FAM234B: variants seen among roughly 807,000 people sequenced by gnomAD.
FAM234B encodes the protein family with sequence similarity 234 member B.
FAM234B carries 33 observed loss-of-function variants against 69.3 expected under a neutral mutation model. The observed-to-expected ratio is 0.48, with a 90% CI of 0.36 to 0.64. The LOEUF (loss-of-function observed/expected upper bound fraction) is 0.64, where lower values mean the gene tolerates loss of function less well. Among genes scored for constraint, FAM234B ranks in the 30% least tolerant of loss-of-function variants. The probability of loss-of-function intolerance (pLI) is 0.00; values close to 1 mark genes in which losing one functional copy is unlikely to be tolerated. For synonymous variants in FAM234B, 306 were observed against 306.9 expected (o/e 1.00, Z 0.03); for missense variants, 697 against 769.7 (o/e 0.91, Z 1.12).
At position 13,071,383 on chromosome 12, in the gene FAM234B, C is replaced by T; in HGVS notation, c.1511C>T (p.Ala504Val). The change falls in exon 10 of 13, where the codon GCA (alanine) becomes GTA (valine). Residue 504 changes from alanine to valine, a missense_variant. Coordinates refer to ENST00000197268, the MANE Select transcript of FAM234B (RefSeq NM_020853.2). ...FLFWAEGLSA[A>V]SPNSDIILGT... is the part of the protein sequence containing the mutation. ...TTCTGGGCCGAAGGGCTGTCAGCTGCATCTCCCAATTCCGTGAGTGAGCCT... is the reference window on the plus strand; with the variant it reads ...TTCTGGGCCGAAGGGCTGTCAGCTGTATCTCCCAATTCCGTGAGTGAGCCT... 6.2e-7 allele frequency: 1 copy of T among 1,614,098 alleles called. No individual in the cohort carries two copies. The highest frequency in any genetic ancestry group is 1.7e-5 in the Admixed American group (1 of 60,018).
chr12:13,051,036 A>G (rs746873281), intron 1 of FAM234B, among the ~76,000 whole-genome samples: 1 of 152,074 alleles, frequency 6.6e-6, no homozygotes, highest in East Asian at 1.9e-4. Flanking sequence ...GCTGTTTCCT[A>G]TTTTGTGTTC....
Position 13,068,411 on chromosome 12 carries a change from C to G in FAM234B, c.1250C>G (p.Thr417Arg), listed in dbSNP as rs780052861. 23 of 1,614,192 alleles carry G rather than the reference C, an allele frequency of 1.4e-5. No individual in the cohort carries two copies. Among genetic ancestry groups the G allele is most frequent in the Non-Finnish European group, 1.8e-5 (21 of 1,180,032 alleles). The change falls in exon 8 of 13, where the codon ACA becomes AGA. Residue 417 changes from threonine (T) to arginine (R), a missense_variant. This residue lies in a region of FAM234B where 313 missense variants were observed against 305.5 expected (regional missense o/e 1.02). Coordinates refer to ENST00000197268, the MANE Select transcript of FAM234B (RefSeq NM_020853.2). ...SLVLLRGQNL[T>R]PYWALRLQGL... is the part of the protein sequence containing the mutation. ...GTGCTGCTTCGGGGGCAAAATCTGA[C>G]ACCTTACTGGGCATTGAGACTTCAA... is the stretch of plus-strand genomic sequence containing the variant.
Position 13,068,701 on chromosome 12 carries a change from G to C in FAM234B, c.1358G>C (p.Gly453Ala). 6.2e-7 allele frequency: 1 copy of C among 1,606,624 alleles called. No individual in the cohort carries two copies. Among genetic ancestry groups the C allele is most frequent in the South Asian group, 1.1e-5 (1 of 90,744 alleles). Residue 453 changes from glycine to alanine, a missense_variant, in exon 9 of 13, where the codon GGG becomes GCG. Gly to Ala is a moderately conservative substitution (Grantham distance 60). This residue lies in a region of FAM234B where 313 missense variants were observed against 305.5 expected (regional missense o/e 1.02). Coordinates refer to ENST00000197268, the MANE Select transcript of FAM234B (RefSeq NM_020853.2). ...CTTCTGCAGATACAGGATGGAGTTGGGATGAAAAAGGTAAAACTTTGGGCC... is the reference window on the plus strand; with the variant it reads ...CTTCTGCAGATACAGGATGGAGTTGCGATGAAAAAGGTAAAACTTTGGGCC... ...DFLLQIQDGV[G>A]MKKMMVVDGD...
At chr12:13,060,771 C>T (rs1864975450) in intron 3 of FAM234B, among the ~76,000 whole-genome samples, 1 of 152,190 alleles carries the variant, frequency 6.6e-6, no homozygotes, top group Non-Finnish European at 1.5e-5. Flanking sequence ...TCACGTGTCC[C>T]TATCCTGAGA....
chr12:13,059,905 C>T (rs1030429836), intron 3 of FAM234B, among the ~76,000 whole-genome samples: 2 of 152,132 alleles, frequency 1.3e-5, no homozygotes, highest in African/African-American at 2.4e-5. Flanking sequence ...TGCTTCATAC[C>T]AAGACTCATA....
At chr12:13,050,963 A>G (rs967884706) in intron 1 of FAM234B, among the ~76,000 whole-genome samples, 2 of 152,166 alleles carry the variant, frequency 1.3e-5, no homozygotes, top group Admixed American at 1.3e-4. Context: ...ACTCTTACTG[A>G]GCTTTCTCAA....
Position 13,055,560 on chromosome 12 carries a change from G to A in FAM234B, c.47G>A (p.Ser16Asn). Residue 16 changes from serine (S) to asparagine (N), a missense_variant, in exon 2 of 13, where the codon AGC (serine) becomes AAC (asparagine). Ser to Asn is a conservative substitution (Grantham distance 46). This residue lies in a region of FAM234B where 380 missense variants were observed against 447.1 expected (regional missense o/e 0.85). Coordinates refer to ENST00000197268, the MANE Select transcript of FAM234B (RefSeq NM_020853.2). ...TTTTCTGTATTTTCAGGGAAGAAGA[G>A]CCCAGACCTAGGGGAGTATGATCCA... Reference protein sequence around the residue: ...SRALKLPGKKSPDLGEYDPLT... With the variant: ...SRALKLPGKKNPDLGEYDPLT... The A allele has an allele frequency of 1.3e-6, 2 of 1,593,286 alleles. No individual in the cohort carries two copies. The highest frequency in any genetic ancestry group is 1.1e-5 in the South Asian group (1 of 90,188).
rs1864983378 is a variant in FAM234B, at chr12:13,061,649, C to T, written c.607C>T (p.Pro203Ser). 2 of 1,614,036 alleles carry T rather than the reference C, an allele frequency of 1.2e-6. No homozygotes were observed. The highest frequency in any genetic ancestry group is 1.7e-6 in the Non-Finnish European group (2 of 1,180,016). The change falls in exon 4 of 13, where the codon CCT (proline) becomes TCT (serine). Residue 203 changes from proline to serine, a missense_variant. Pro to Ser is a moderately conservative substitution (Grantham distance 74, BLOSUM62 -1). Coordinates refer to ENST00000197268, the MANE Select transcript of FAM234B (RefSeq NM_020853.2). Reference sequence around the variant, plus strand: ...CAGCACACTGTGGTCTAGTCTTCTCCCTGAGGAGGCTCGAGATATCACATG... The same window carrying T: ...CAGCACACTGTGGTCTAGTCTTCTCTCTGAGGAGGCTCGAGATATCACATG... ...NGSTLWSSLL[P>S]EEARDITCLE...
At chr12:13,069,898 C>G (rs1470573049) in intron 9 of FAM234B, among the ~76,000 whole-genome samples, 1 of 151,974 alleles carries the variant, frequency 6.6e-6, no homozygotes, top group African/African-American at 2.4e-5. Context: ...AAAGCCAGTG[C>G]CTGCGTGTAA....
At position 13,080,674 on chromosome 12, in the gene FAM234B, A is replaced by G. The variant is rs1865215711; in HGVS notation, c.*44A>G. The G allele has an allele frequency of 3.3e-6, 5 of 1,514,630 alleles. No homozygotes were observed. The African/African-American group carries it at 4.1e-5, about 12-fold the overall frequency. 93.8% of individuals were successfully genotyped at this position (1,514,630 alleles called of 1,614,324 possible). Reference sequence around the variant, plus strand: ...TGCAGAAGAAGTGAACAGAGTGGATACCCTCTCTACTCTCCTGTCACTGTA... The same window carrying G: ...TGCAGAAGAAGTGAACAGAGTGGATGCCCTCTCTACTCTCCTGTCACTGTA... On this transcript the variant is annotated 3_prime_UTR_variant, in exon 13 of 13. Transcript: ENST00000197268.
At chr12:13,061,934 A>G (rs1864987763) in intron 4 of FAM234B, among the ~76,000 whole-genome samples, 171 bp downstream of exon 4, 1 of 152,216 alleles carries the variant, frequency 6.6e-6, no homozygotes, top group Admixed American at 6.5e-5. Context: ...CAGATTGAGT[A>G]AACAGATCCA....
chr12:13,071,068 G>A (rs1865099884), intron 9 of FAM234B, among the ~76,000 whole-genome samples, 173 bp from the exon 10 acceptor site: 1 of 152,102 alleles, frequency 6.6e-6, no homozygotes, highest in Non-Finnish European at 1.5e-5. Flanking sequence ...CCTGGGGCCT[G>A]GTCCTTAGCC....
chr12:13,055,319 C>G lies in FAM234B; in HGVS notation c.38-232C>G, dbSNP rs149590837. 6.0e-3 allele frequency among the ~76,000 whole-genome samples: 917 copies of G among 152,300 alleles called. 7 individuals carry two copies. Among genetic ancestry groups the G allele is most frequent in the African/African-American group, 0.021 (870 of 41,540 alleles). On this transcript the variant is annotated intron_variant, in intron 1 of 12. Transcript: ENST00000197268. ...CTGCCTCCTTTTCCATTGTCTTAAA[C>G]TCATGCAGGCAGTGATCCTGGAGCA... is the stretch of plus-strand genomic sequence containing the variant.
intron 3 of FAM234B, 111 bp downstream of exon 3, chr12:13,058,660 A>G: frequency 2.3e-6 from 2 of 874,654 alleles, no homozygotes; most frequent in Admixed American, 1.8e-5. Flanking sequence ...GTGAACAGAA[A>G]GTTACCATGG....
Position 13,066,622 on chromosome 12 carries a change from C to G in FAM234B, c.853-18C>G, listed in dbSNP as rs3803096. 224,388 of 1,602,576 alleles carry G rather than the reference C, an allele frequency of 0.14. 16,701 individuals carry two copies. The highest frequency in any genetic ancestry group is 0.23 in the East Asian group (10,040 of 44,592). ...ATAGGGCTTCTATTGACTCCACCCC[C>G]CTCTCTTACTTCCTCAGCCAGATCT... On this transcript the variant is annotated intron_variant, in intron 5 of 12. Coordinates refer to ENST00000197268, the MANE Select transcript of FAM234B (RefSeq NM_020853.2).
At chr12:13,051,732 A>C (rs945336087) in intron 1 of FAM234B, among the ~76,000 whole-genome samples, 5 of 152,194 alleles carry the variant, frequency 3.3e-5, no homozygotes, top group Non-Finnish European at 7.3e-5. Flanking sequence ...CACCTGAAAC[A>C]ATGCTTCTTT....
At position 13,066,617 on chromosome 12, in the gene FAM234B, AC is replaced by A. The variant is rs769923728; in HGVS notation, c.853-17del. 20 of 1,598,952 alleles carry A rather than the reference AC, an allele frequency of 1.3e-5. 1 individual carries two copies. In the South Asian group the frequency reaches 2.2e-4, roughly 17 times the overall value. On this transcript the variant is annotated intron_variant, in intron 5 of 12. Transcript: ENST00000197268. Reference sequence around the variant, plus strand: ...AAACGATAGGGCTTCTATTGACTCCACCCCCCTCTCTTACTTCCTCAGCCAG... The same window carrying A: ...AAACGATAGGGCTTCTATTGACTCCACCCCCTCTCTTACTTCCTCAGCCAG...
At chr12:13,077,606 A>AT (rs1290690375) in intron 11 of FAM234B, among the ~76,000 whole-genome samples, 11 of 151,742 alleles carry the variant, frequency 7.2e-5, no homozygotes, top group South Asian at 6.3e-4. Flanking sequence ...TGAACTCATC[A>AT]TTTTTTATGG....
At chr12:13,070,163 TTAAA>T (rs1010483515) in intron 9 of FAM234B, among the ~76,000 whole-genome samples, 1 of 107,158 alleles carries the variant, frequency 9.3e-6, no homozygotes, top group African/African-American at 3.5e-5. Context: ...ACTATAATAA[TTAAA>T]AAAAGATATA....
Sources: allele counts gnomAD v4.1 joint callset (sites outside exome capture counted in the v4.1 genomes callset), GRCh38; gene constraint gnomAD v4.1.1; regional missense constraint gnomAD v4.1.1; transcripts MANE v1.5; gene names NCBI Gene and HGNC (gene_info 2026-07-23, HGNC 2026-07-21).